The following DNAH17 variants were observed in gnomAD, a reference collection of about 807,000 sequenced individuals.
The protein encoded by DNAH17 is axonemal beta dynein heavy chain 17.
A neutral mutation model predicts 485.6 loss-of-function variants in DNAH17; 376 were observed. The ratio of observed to expected loss-of-function variants is 0.77; its 90% CI spans 0.71 to 0.84. The LOEUF is 0.84. DNAH17 is among the 40% of genes least tolerant of loss of function. DNAH17 has a pLI of 0.00. For missense variants in DNAH17, 6,370 were observed against 5,839.3 expected (o/e 1.09, Z -2.96); for synonymous variants, 3,031 against 2,405.9 (o/e 1.26, Z -7.60).
intron 24 of DNAH17, 134 bp from the exon 25 acceptor site, chr17:78,525,295 G>C: frequency 2.3e-6 from 3 of 1,325,280 alleles, no homozygotes; most frequent in Non-Finnish European, 3.0e-6. Flanking sequence ...CCATACAACG[G>C]TGTCCCACCT....
In DNAH17 at chr17:78,514,980, C is replaced by G; in HGVS notation, c.3907G>C (p.Asp1303His). Residue 1303 changes from aspartate (D) to histidine (H), a missense_variant, in exon 26 of 81, where the codon GAT becomes CAT. By Grantham distance (81) the Asp-to-His change is moderately conservative. Transcript: ENST00000389840. The stretch of plus-strand genomic sequence containing the variant: ...ATGTCCATCTGCTCAACGTTGATAT[C>G]TTTCCACTTGGTGGTCTTCCAGTCC... ...IEDWKTTKWKDINVEQMDIDC... is the reference protein window; with the variant it reads ...IEDWKTTKWKHINVEQMDIDC... 6.2e-7 allele frequency: 1 copy of G among 1,614,058 alleles called. No individual in the cohort carries two copies. The highest frequency in any genetic ancestry group is 2.2e-5 in the East Asian group (1 of 44,888).
At chr17:78,436,152 C>T (rs970760154) in intron 74 of DNAH17, among the ~76,000 whole-genome samples, 1 of 152,172 alleles carries the variant, frequency 6.6e-6, no homozygotes, top group Non-Finnish European at 1.5e-5. Flanking sequence ...GTTGGCCGGG[C>T]GTGGTGGCTC....
intron 77 of DNAH17, 183 bp downstream of exon 77, chr17:78,428,342 T>C (rs1598433836): frequency 1.4e-6 from 1 of 712,144 alleles, no homozygotes; most frequent in South Asian, 1.7e-5. Context: ...AGCTGCCACG[T>C]CTGAGGACCT....
chr17:78,444,586 G>T lies in DNAH17; in HGVS notation c.11528+18C>A. ...CTGGGCCTCGGGGGCGGGGCCCCCG[G>T]CGCGGCGGGACACTCACTTGATAGC... On this transcript the variant is annotated intron_variant, in intron 71 of 80. Transcript: ENST00000389840. 1 of 1,535,286 alleles carries T rather than the reference G, an allele frequency of 6.5e-7. No homozygotes were observed. Among genetic ancestry groups the T allele is most frequent in the Non-Finnish European group, 8.8e-7 (1 of 1,141,966 alleles).
At chr17:78,491,695 G>C (rs2089865384) in intron 42 of DNAH17, 125 bp from the exon 43 acceptor site, 1 of 1,417,938 alleles carries the variant, frequency 7.1e-7, no homozygotes, top group Non-Finnish European at 9.3e-7. Flanking sequence ...GAACAGCAGA[G>C]GCCCTCGGGC....
chr17:78,430,929 G>A (rs895808577), intron 75 of DNAH17, among the ~76,000 whole-genome samples: 1 of 152,074 alleles, frequency 6.6e-6, no homozygotes, highest in Admixed American at 6.6e-5. Context: ...GTCCCAGGCT[G>A]GAGTGCAGTG....
Position 78,507,698 on chromosome 17 carries a change from C to T in DNAH17, c.4344G>A (p.Thr1448=), listed in dbSNP as rs372915299. 2.6e-4 allele frequency: 416 copies of T among 1,610,410 alleles called. No individual in the cohort carries two copies. Among genetic ancestry groups the T allele is most frequent in the Non-Finnish European group, 3.2e-4 (382 of 1,179,706 alleles). Residue 1448 remains threonine (T), a synonymous_variant, in exon 28 of 81, where the codon ACG becomes ACA. Coordinates refer to ENST00000389840, the MANE Select transcript of DNAH17 (RefSeq NM_173628.4). ...GCAGCTGCACCTGGTTGTCCTCCAG[C>T]GTCTCCACCAGCACCTCGCTGGACT... ...MLKSSEVLVE[T]LEDNQVQLQN...
rs1441303444 is a variant in DNAH17 at position 78,426,916 on chromosome 17, C to T, written c.12771+10G>A. 5 of 1,595,974 alleles carry T rather than the reference C, an allele frequency of 3.1e-6. No homozygotes were observed. The highest frequency in any genetic ancestry group is 3.4e-6 in the Non-Finnish European group (4 of 1,171,152). ...GCCACGTCCCTGGGGCCGGGCTGAC[C>T]CATGTTTACCTTCAGCCCCAGGTTC... On this transcript the variant is annotated intron_variant, in intron 78 of 80. Transcript: ENST00000389840.
chr17:78,502,742 T>C, intron 32 of DNAH17, 44 bp from the exon 33 acceptor site: 1 of 1,599,770 alleles, frequency 6.3e-7, no homozygotes. Flanking sequence ...GAGCGATCGC[T>C]GGCGCCTGCT....
intron 75 of DNAH17, among the ~76,000 whole-genome samples, chr17:78,432,949 C>T (rs1189036806): frequency 7.1e-6 from 1 of 141,426 alleles, no homozygotes; most frequent in Non-Finnish European, 1.5e-5. Flanking sequence ...CACCATGTCA[C>T]ATCCAGGCCC....
intron 51 of DNAH17, among the ~76,000 whole-genome samples, chr17:78,477,856 G>A (rs897497942): frequency 1.6e-4 from 24 of 152,036 alleles, no homozygotes; most frequent in African/African-American, 5.5e-4. Context: ...TAAATGAGAG[G>A]AAATATTATT....
rs376165977 is a variant in DNAH17, at chr17:78,574,959, G to A, written c.99C>T (p.Ala33=). The A allele has an allele frequency of 1.7e-5, 27 of 1,613,878 alleles. No homozygotes were observed. Among genetic ancestry groups the A allele is most frequent in the African/African-American group, 8.0e-5 (6 of 74,924 alleles). Residue 33 remains alanine, a synonymous_variant, in exon 2 of 81, where the codon GCC becomes GCT. Coordinates refer to ENST00000389840, the MANE Select transcript of DNAH17 (RefSeq NM_173628.4). ...CTGTGAACAGGGCCACGTTCTCCTC[G>A]GCGCCTATCAGCTTGCTCCACTTGT... ...KPDKWSKLIG[A]EENVALFTEF... is the part of the protein sequence containing the mutation.
At chr17:78,481,713 A>G (rs1312261358) in intron 48 of DNAH17, among the ~76,000 whole-genome samples, 1 of 152,212 alleles carries the variant, frequency 6.6e-6, no homozygotes, top group Non-Finnish European at 1.5e-5. Context: ...AATGGCTGCT[A>G]TTATTAAATA....
intron 56 of DNAH17, among the ~76,000 whole-genome samples, chr17:78,465,241 G>A (rs1363176169): frequency 6.6e-6 from 1 of 152,168 alleles, no homozygotes; most frequent in African/African-American, 2.4e-5. Context: ...GCTCAATGGT[G>A]CCCAGGCTGG....
At chr17:78,492,521 G>A in intron 42 of DNAH17, 112 bp downstream of exon 42, 1 of 1,460,586 alleles carries the variant, frequency 6.8e-7, no homozygotes, top group South Asian at 1.3e-5. Flanking sequence ...GTGCCTGTGT[G>A]CCCCACCCTA....
rs767793687 is a variant in DNAH17 at position 78,571,398 on chromosome 17, T to A, written c.733-20A>T. 1.3e-6 allele frequency: 2 copies of A among 1,594,358 alleles called. No individual in the cohort carries two copies. The highest frequency in any genetic ancestry group is 3.4e-5 in the Admixed American group (2 of 59,602). ...GTTTAGCTGAGAAGGGGAGTGAAGA[T>A]CCACCTTTCATTGACCTGGAAGACC... is the stretch of plus-strand genomic sequence containing the variant. On this transcript the variant is annotated intron_variant, in intron 4 of 80. Transcript: ENST00000389840.
At chr17:78,428,099 A>C (rs1024633362) in intron 77 of DNAH17, among the ~76,000 whole-genome samples, 1 of 151,824 alleles carries the variant, frequency 6.6e-6, no homozygotes, top group Non-Finnish European at 1.5e-5. Context: ...AGGACCTGCC[A>C]TTGTGGCCAC....
chr17:78,507,419 C>T (rs768073684), intron 28 of DNAH17, 39 bp downstream of exon 28: 1 of 1,613,734 alleles, frequency 6.2e-7, no homozygotes, highest in Admixed American at 1.7e-5. Context: ...CACACACAGT[C>T]ATTTCTGAAG....
At chr17:78,424,598 C>T (rs927920023) in intron 80 of DNAH17, 1 of 157,324 alleles carries the variant, frequency 6.4e-6, no homozygotes, top group African/African-American at 2.4e-5. Context: ...TCTACTCGCC[C>T]TATTTAATGG....
Sources: allele counts gnomAD v4.1 joint callset (sites outside exome capture counted in the v4.1 genomes callset), GRCh38; gene constraint gnomAD v4.1.1; transcripts MANE v1.5; gene names NCBI Gene and HGNC (gene_info 2026-07-23, HGNC 2026-07-21).